Variants in CERS6 observed in about 807,000 individuals in gnomAD.
The protein encoded by CERS6 is ceramide synthase 6.
CERS6 carries 26 observed loss-of-function variants against 56.8 expected under a neutral mutation model. That is an observed-to-expected ratio of 0.46 (90% CI 0.34 to 0.63). The LOEUF is 0.63. Among genes scored for constraint, CERS6 ranks in the 30% least tolerant of loss-of-function variants. The pLI, the probability that CERS6 is intolerant of heterozygous loss-of-function variation, is 0.01. For missense variants in CERS6, 415 were observed against 467.5 expected (o/e 0.89, Z 1.04); for synonymous variants, 164 against 173.3 (o/e 0.95, Z 0.42).
At chr2:168,737,535 G>A (rs1415871072) in intron 8 of CERS6, among the ~76,000 whole-genome samples, 2 of 152,148 alleles carry the variant, frequency 1.3e-5, no homozygotes, top group Admixed American at 1.3e-4. Flanking sequence ...CTTTTGTTCT[G>A]ATACACATTT....
At position 168,631,021 on chromosome 2, in the gene CERS6, C is replaced by T. The variant is rs539197777; in HGVS notation, c.444C>T (p.Tyr148=). ...CATTTTACCTTTATGTATTTACCTA[C>T]GGAGTCAGATTCCTGAAAAAGGTAG... ...RFSFYLYVFT[Y]GVRFLKKTPW... The change falls in exon 4 of 10, where the codon TAC becomes TAT. Residue 148 remains tyrosine (Y), a synonymous_variant. Transcript: ENST00000305747. 45 of 1,526,420 alleles carry T rather than the reference C, an allele frequency of 2.9e-5. No individual in the cohort carries two copies. Among genetic ancestry groups the T allele is most frequent in the South Asian group, 9.7e-5 (8 of 82,590 alleles). The allele number at this position is 1,526,420 out of a possible 1,614,324, so 94.6% of individuals were successfully genotyped here.
At chr2:168,547,175 C>G (rs993250138) in intron 1 of CERS6, among the ~76,000 whole-genome samples, 1 of 152,156 alleles carries the variant, frequency 6.6e-6, no homozygotes, top group Non-Finnish European at 1.5e-5. Flanking sequence ...GTGGTCAAAG[C>G]GCTCTCTCTG....
intron 3 of CERS6, among the ~76,000 whole-genome samples, chr2:168,627,061 A>G (rs1684607092): frequency 6.6e-6 from 1 of 152,176 alleles, no homozygotes; most frequent in Non-Finnish European, 1.5e-5. Context: ...TGTTTAACCA[A>G]GAGTAATCTT....
chr2:168,742,578 T>C (rs1574210932), intron 8 of CERS6, among the ~76,000 whole-genome samples: 1 of 152,202 alleles, frequency 6.6e-6, no homozygotes, highest in South Asian at 2.1e-4. Flanking sequence ...ATTGCACTTA[T>C]GCTTTAAAGT....
chr2:168,476,335 A>G (rs1694070214), intron 1 of CERS6, among the ~76,000 whole-genome samples: 1 of 152,138 alleles, frequency 6.6e-6, no homozygotes, highest in Admixed American at 6.6e-5. Context: ...AAAATAGGGT[A>G]TACCATGAAA....
intron 1 of CERS6, among the ~76,000 whole-genome samples, chr2:168,504,413 A>G (rs75400594): frequency 0.021 from 3,231 of 152,126 alleles, 99 homozygotes; most frequent in African/African-American, 0.074. Context: ...GTAACAGGGT[A>G]GAGTTGTGGG....
chr2:168,606,129 AC>A (rs1417142450), intron 3 of CERS6, among the ~76,000 whole-genome samples: 4 of 152,346 alleles, frequency 2.6e-5, no homozygotes, highest in Admixed American at 2.6e-4. Flanking sequence ...CTGCAAAGCC[AC>A]AAGGGGTGGA....
chr2:168,705,275 C>T (rs2105376984), intron 6 of CERS6, among the ~76,000 whole-genome samples: 1 of 151,904 alleles, frequency 6.6e-6, no homozygotes, highest in East Asian at 1.9e-4. Context: ...GAGAATTAGG[C>T]AAATCAGAGT....
chr2:168,692,725 T>G (rs1236642442), intron 5 of CERS6, among the ~76,000 whole-genome samples: 1 of 152,138 alleles, frequency 6.6e-6, no homozygotes, highest in Non-Finnish European at 1.5e-5. Context: ...AAATGCTGTA[T>G]AGTAATAAAG....
chr2:168,571,427 G>A (rs564943274), intron 3 of CERS6, among the ~76,000 whole-genome samples: 1 of 152,282 alleles, frequency 6.6e-6, no homozygotes, highest in African/African-American at 2.4e-5. Context: ...ACCTAGGAAT[G>A]TAAGGGTGAA....
chr2:168,487,738 A>G (rs1325222145), intron 1 of CERS6, among the ~76,000 whole-genome samples: 1 of 152,154 alleles, frequency 6.6e-6, no homozygotes, highest in Non-Finnish European at 1.5e-5. Flanking sequence ...AATTTTTATT[A>G]AGAGACAGGA....
intron 5 of CERS6, among the ~76,000 whole-genome samples, chr2:168,693,380 G>T (rs185376849): frequency 2.6e-5 from 4 of 152,272 alleles, no homozygotes; most frequent in African/African-American, 9.6e-5. Context: ...GATGAACTCT[G>T]TGGTTTCCAG....
At chr2:168,592,708 T>TA (rs1424901164) in intron 3 of CERS6, among the ~76,000 whole-genome samples, 1 of 152,104 alleles carries the variant, frequency 6.6e-6, no homozygotes, top group Non-Finnish European at 1.5e-5. Context: ...CCTCAGCTGT[T>TA]ACGCTGCTGT....
intron 6 of CERS6, among the ~76,000 whole-genome samples, chr2:168,696,988 T>C (rs1361706419): frequency 2.0e-5 from 3 of 152,114 alleles, no homozygotes; most frequent in Non-Finnish European, 4.4e-5. Flanking sequence ...AGTACTGTAA[T>C]GTATCATTTC....
chr2:168,738,597 G>C (rs147002301), intron 8 of CERS6, among the ~76,000 whole-genome samples: 1 of 152,172 alleles, frequency 6.6e-6, no homozygotes, highest in South Asian at 2.1e-4. Flanking sequence ...TTGAGGGATA[G>C]ACTTCTAAGT....
rs891766480 is a variant in CERS6, at chr2:168,561,817, T to C, written c.407+495T>C. ...CATTGCTTGAAGTTGGGGGATGGAA[T>C]TGAAGTCTCTTCCATCTCTGAAATG... On this transcript the variant is annotated intron_variant, in intron 3 of 9. Coordinates refer to ENST00000305747, the MANE Select transcript of CERS6 (RefSeq NM_203463.3). Among the ~76,000 whole-genome samples the C allele has an allele frequency of 2.6e-5, 4 of 152,328 alleles. No individual in the cohort carries two copies. In the East Asian group the frequency reaches 7.7e-4, roughly 29 times the overall value.
At chr2:168,645,123 A>G (rs972120479) in intron 4 of CERS6, among the ~76,000 whole-genome samples, 4 of 29,748 alleles carry the variant, frequency 1.3e-4, no homozygotes, top group African/African-American at 6.2e-4. Context: ...AAAAATATAT[A>G]TATATATATA....
intron 6 of CERS6, among the ~76,000 whole-genome samples, chr2:168,700,422 G>A (rs1041106997): frequency 7.2e-5 from 11 of 152,130 alleles, no homozygotes; most frequent in African/African-American, 1.9e-4. Context: ...TAGACAGTAC[G>A]TGGCACATAA....
At chr2:168,690,939 T>A in intron 4 of CERS6, 95 bp from the exon 5 acceptor site, 1 of 1,144,344 alleles carries the variant, frequency 8.7e-7, no homozygotes, top group Non-Finnish European at 1.3e-6. Context: ...ATTATTGAAA[T>A]CCAAAAATAT....
Sources: gnomAD v4.1 joint callset for allele counts (sites outside exome capture counted in the v4.1 genomes callset) on GRCh38, gnomAD v4.1.1 for gene constraint, MANE v1.5 for transcripts, NCBI Gene and HGNC (gene_info 2026-07-23, HGNC 2026-07-21) for gene names.